PCCA: variants seen among roughly 807,000 people sequenced by gnomAD.
PCCA encodes the protein propionyl-CoA carboxylase alpha chain, mitochondrial.
A neutral mutation model predicts 101.3 loss-of-function variants in PCCA; 74 were observed. That is an observed-to-expected ratio of 0.73 (90% CI 0.61 to 0.89). The LOEUF is 0.89. Ranked by LOEUF, PCCA falls within the 40% of genes least tolerant of loss-of-function variation. The pLI, the probability that PCCA is intolerant of heterozygous loss-of-function variation, is 0.00. For missense variants in PCCA, 891 were observed against 907.0 expected (o/e 0.98, Z 0.23); for synonymous variants, 294 against 313.6 (o/e 0.94, Z 0.66).
At chr13:100,497,378 G>A (rs1377634639) in intron 21 of PCCA, among the ~76,000 whole-genome samples, 3 of 152,088 alleles carry the variant, frequency 2.0e-5, no homozygotes, top group Non-Finnish European at 2.9e-5. Context: ...CATCTGAGAA[G>A]CCTACTATTC....
At chr13:100,424,329 A>G (rs1224344442) in intron 19 of PCCA, among the ~76,000 whole-genome samples, 1 of 151,900 alleles carries the variant, frequency 6.6e-6, no homozygotes, top group East Asian at 1.9e-4. Context: ...TGCTCCTGGA[A>G]CCCGCCTCCC....
rs1482694826 is a variant in PCCA at position 100,340,242 on chromosome 13, T to G, written c.1626T>G (p.His542Gln). The change falls in exon 18 of 24, where the codon CAT becomes CAG. Residue 542 changes from histidine to glutamine, a missense_variant. Coordinates refer to ENST00000376285, the MANE Select transcript of PCCA (RefSeq NM_000282.4). ...LFVAFQLRAQ[H>Q]FQENSRMPVI... ...TGGCATTCCAGTTAAGAGCACAACA[T>G]TTTCAAGAAAATTCAAGGTATGGTA... The G allele has an allele frequency of 6.3e-7, 1 of 1,589,392 alleles. No homozygotes were observed. The highest frequency in any genetic ancestry group is 8.6e-7 in the Non-Finnish European group (1 of 1,157,676).
At chr13:100,117,159 G>T (rs1193822481) in intron 4 of PCCA, among the ~76,000 whole-genome samples, 1 of 152,152 alleles carries the variant, frequency 6.6e-6, no homozygotes, top group East Asian at 1.9e-4. Flanking sequence ...TTGTGAAGCA[G>T]TATGTCATTG....
At chr13:100,295,880 C>T (rs1181484871) in intron 12 of PCCA, among the ~76,000 whole-genome samples, 1 of 152,162 alleles carries the variant, frequency 6.6e-6, no homozygotes, top group African/African-American at 2.4e-5. Flanking sequence ...TGTGACTTTT[C>T]CCCTTTTCCC....
intron 20 of PCCA, among the ~76,000 whole-genome samples, chr13:100,447,383 CAA>C: frequency 7.1e-6 from 1 of 140,752 alleles, no homozygotes; most frequent in East Asian, 2.1e-4. Context: ...AACTTTGTCT[CAA>C]AAAAAAAGAT....
intron 20 of PCCA, among the ~76,000 whole-genome samples, chr13:100,434,559 A>C (rs984555367): frequency 6.6e-6 from 1 of 151,918 alleles, no homozygotes; most frequent in African/African-American, 2.4e-5. Context: ...TTTCATGTGG[A>C]TTTGGGGGAA....
rs748239556 is a variant in PCCA at position 100,330,624 on chromosome 13, A to G, written c.1493A>G (p.Asp498Gly). Residue 498 changes from aspartate to glycine, a missense_variant, in exon 17 of 24, where the codon GAC becomes GGC. Transcript: ENST00000376285. ...ATCAACTCACGCTTTGTAAAAGGAG[A>G]CATCAGCACTAAATTTCTCTCCGAT... The part of the protein sequence containing the change: ...VIINSRFVKG[D>G]ISTKFLSDVY... 6.2e-7 allele frequency: 1 copy of G among 1,612,950 alleles called. No individual in the cohort carries two copies. The highest frequency in any genetic ancestry group is 1.3e-5 in the African/African-American group (1 of 75,032).
chr13:100,453,788 G>T (rs2081510602), intron 21 of PCCA, among the ~76,000 whole-genome samples: 1 of 151,794 alleles, frequency 6.6e-6, no homozygotes, highest in Non-Finnish European at 1.5e-5. Flanking sequence ...CACACCACAT[G>T]TACACACCCC....
intron 5 of PCCA, among the ~76,000 whole-genome samples, chr13:100,155,431 G>A (rs1427137643): frequency 1.3e-5 from 2 of 152,266 alleles, no homozygotes; most frequent in Admixed American, 6.5e-5. Flanking sequence ...AAAAAATTCT[G>A]TGTTATAAAC....
chr13:100,208,026 A>G (rs2058974038), intron 6 of PCCA, among the ~76,000 whole-genome samples: 1 of 152,022 alleles, frequency 6.6e-6, no homozygotes, highest in Non-Finnish European at 1.5e-5. Flanking sequence ...CAAAAAAGAA[A>G]AAATCTGTGT....
At chr13:100,202,128 G>A (rs1399180979) in intron 6 of PCCA, among the ~76,000 whole-genome samples, 1 of 141,916 alleles carries the variant, frequency 7.0e-6, no homozygotes, top group African/African-American at 2.6e-5. Flanking sequence ...CCAGGAGTTT[G>A]AGACCATCAT....
chr13:100,461,690 G>A (rs1364352230), intron 21 of PCCA, among the ~76,000 whole-genome samples: 1 of 152,188 alleles, frequency 6.6e-6, no homozygotes, highest in African/African-American at 2.4e-5. Flanking sequence ...TCTTGCACAC[G>A]TGTGCTGTAA....
chr13:100,302,656 T>G (rs2066152827), intron 13 of PCCA, among the ~76,000 whole-genome samples: 1 of 152,188 alleles, frequency 6.6e-6, no homozygotes, highest in Non-Finnish European at 1.5e-5. Context: ...CAAGGCATTC[T>G]AAGAAGTTTT....
intron 20 of PCCA, among the ~76,000 whole-genome samples, chr13:100,434,324 G>A (rs2079773638): frequency 1.3e-5 from 2 of 152,166 alleles, no homozygotes; most frequent in African/African-American, 4.8e-5. Context: ...TCTTAGTTCT[G>A]AGGTTACTTC....
chr13:100,214,122 G>A (rs565761124), intron 7 of PCCA, among the ~76,000 whole-genome samples: 55 of 152,226 alleles, frequency 3.6e-4, no homozygotes, highest in African/African-American at 1.2e-3. Context: ...CTATAGCTCT[G>A]TAGTATAATT....
chr13:100,266,761 A>AAT (rs1357238950), intron 10 of PCCA, among the ~76,000 whole-genome samples: 169 of 152,294 alleles, frequency 1.1e-3, no homozygotes, highest in Non-Finnish European at 1.5e-3. Flanking sequence ...AGTATTTCTC[A>AAT]ACCAGGGCAC....
At chr13:100,496,142 A>G (rs1233941950) in intron 21 of PCCA, among the ~76,000 whole-genome samples, 1 of 152,256 alleles carries the variant, frequency 6.6e-6, no homozygotes, top group East Asian at 1.9e-4. Flanking sequence ...GGAAACTGAC[A>G]TTGAAACAGC....
At chr13:100,210,797 C>T (rs542710251) in intron 7 of PCCA, among the ~76,000 whole-genome samples, 96 of 152,284 alleles carry the variant, frequency 6.3e-4, no homozygotes, top group African/African-American at 2.2e-3. Flanking sequence ...CTTCATTGTG[C>T]AAGATCATTT....
chr13:100,334,199 G>A (rs370947168), intron 17 of PCCA, among the ~76,000 whole-genome samples: 5 of 152,142 alleles, frequency 3.3e-5, no homozygotes, highest in East Asian at 1.9e-4. Flanking sequence ...ATACCTCTCC[G>A]GGGACTCTCT....
Sources: allele counts gnomAD v4.1 joint callset (sites outside exome capture counted in the v4.1 genomes callset), GRCh38; gene constraint gnomAD v4.1.1; transcripts MANE v1.5; gene names NCBI Gene and HGNC (gene_info 2026-07-23, HGNC 2026-07-21).